C3orf20: variants seen among roughly 807,000 people sequenced by gnomAD.
C3orf20 encodes the protein uncharacterized protein C3orf20.
In C3orf20, 76 loss-of-function variants were observed where a neutral mutation model predicts 88.3. The observed-to-expected ratio is 0.86, with a 90% CI of 0.72 to 1.04. The LOEUF is 1.04. Ranked by LOEUF, C3orf20 falls within the 50% of genes least tolerant of loss-of-function variation. C3orf20 has a pLI of 0.00. For synonymous variants in C3orf20, 436 were observed against 437.4 expected, an observed-to-expected ratio of 1.00 and a Z score of 0.04; for missense variants, 1,056 against 1,123.3, an observed-to-expected ratio of 0.94 and a Z score of 0.86.
In C3orf20 at chr3:14,772,284, C is replaced by A; in HGVS notation, c.2630+83C>A. ...CTATTTGGCCTTGGGCAAGTCACTA[C>A]CCCCAGGCGTGGCCTGGGTCATGTC... On this transcript the variant is annotated intron_variant, in intron 16 of 16. Transcript: ENST00000253697. The surrounding 1 kb of genome is among the most constrained non-coding windows in gnomAD (Gnocchi z 4.2). 1.9e-6 allele frequency: 3 copies of A among 1,554,280 alleles called. No individual in the cohort carries two copies. Among genetic ancestry groups the A allele is most frequent in the East Asian group, 4.5e-5 (2 of 44,522 alleles).
intron 12 of C3orf20, among the ~76,000 whole-genome samples, chr3:14,739,378 T>C (rs2034831302): frequency 6.6e-6 from 1 of 152,226 alleles, no homozygotes; most frequent in African/African-American, 2.4e-5. Flanking sequence ...TCTTTTTTCC[T>C]GAGCAGTAGT....
chr3:14,755,374 A>C (rs984155070), intron 12 of C3orf20, among the ~76,000 whole-genome samples: 10 of 152,130 alleles, frequency 6.6e-5, no homozygotes, highest in Non-Finnish European at 1.3e-4. Context: ...TCCTGCTCCA[A>C]AATTATAGAA....
chr3:14,726,865 A>T (rs963140926), intron 10 of C3orf20, 36 bp from the exon 11 acceptor site: 4 of 1,612,614 alleles, frequency 2.5e-6, no homozygotes, highest in Non-Finnish European at 3.4e-6. Context: ...CTTTGAGGGG[A>T]TGGTGACACC....
Position 14,683,051 on chromosome 3 carries a change from C to T in C3orf20, c.338C>T (p.Ala113Val), listed in dbSNP as rs190159480. ...CCAGTGCTGCTGGCAACCACTGGGG[C>T]AGCCAAGCGCTCCACCCTCTCTCCC... is the stretch of plus-strand genomic sequence containing the variant. ...PRPVLLATTG[A>V]AKRSTLSPTM... The change falls in exon 3 of 17, where the codon GCA becomes GTA. Residue 113 changes from alanine to valine, a missense_variant. Ala to Val is a moderately conservative substitution (Grantham distance 64). Coordinates refer to ENST00000253697, the MANE Select transcript of C3orf20 (RefSeq NM_032137.5). 1 of 1,611,182 alleles carries T rather than the reference C, an allele frequency of 6.2e-7. No homozygotes were observed. Among genetic ancestry groups the T allele is most frequent in the East Asian group, 2.2e-5 (1 of 44,784 alleles).
At chr3:14,742,659 G>C (rs2034938166) in intron 12 of C3orf20, among the ~76,000 whole-genome samples, 1 of 152,168 alleles carries the variant, frequency 6.6e-6, no homozygotes, top group Non-Finnish European at 1.5e-5. Flanking sequence ...GGTTGTATTA[G>C]TTCATTTTCA....
chr3:14,717,386 T>C (rs962097103), intron 9 of C3orf20, among the ~76,000 whole-genome samples: 1 of 152,042 alleles, frequency 6.6e-6, no homozygotes, highest in African/African-American at 2.4e-5. Flanking sequence ...CCTGGGGTTG[T>C]AGCATGGGGG....
At chr3:14,727,428 T>G (rs1406704522) in intron 11 of C3orf20, among the ~76,000 whole-genome samples, 2 of 152,274 alleles carry the variant, frequency 1.3e-5, no homozygotes, top group Middle Eastern at 3.4e-3. Context: ...CCCTTCTTTT[T>G]GTGGATCTCA....
At position 14,682,810 on chromosome 3, in the gene C3orf20, C is replaced by G; in HGVS notation, c.97C>G (p.Gln33Glu). The G allele has an allele frequency of 6.2e-7, 1 of 1,614,192 alleles. No individual in the cohort carries two copies. The highest frequency in any genetic ancestry group is 8.5e-7 in the Non-Finnish European group (1 of 1,180,034). ...CATCTCCAAACTCCTCATGATCTGC[C>G]AGAATGCAGGCATTTCTGTACCAAA... ...ARISKLLMIC[Q>E]NAGISVPKGI... Residue 33 changes from glutamine (Q) to glutamate (E), a missense_variant, in exon 3 of 17, where the codon CAG becomes GAG. Gln to Glu is a conservative substitution (Grantham distance 29). Coordinates refer to ENST00000253697, the MANE Select transcript of C3orf20 (RefSeq NM_032137.5).
intron 7 of C3orf20, among the ~76,000 whole-genome samples, chr3:14,711,676 C>T (rs1041241936): frequency 5.9e-5 from 7 of 118,990 alleles, no homozygotes; most frequent in Admixed American, 2.4e-4. Context: ...CGCTCTATTG[C>T]CCAGGCTGGA....
At chr3:14,705,080 A>C (rs1345791482) in intron 7 of C3orf20, among the ~76,000 whole-genome samples, 1 of 152,230 alleles carries the variant, frequency 6.6e-6, no homozygotes, top group Non-Finnish European at 1.5e-5. Context: ...TTGGAGCCTG[A>C]GACCTCACCC....
chr3:14,726,856 T>G (rs750903137), intron 10 of C3orf20, 45 bp from the exon 11 acceptor site: 1 of 1,612,486 alleles, frequency 6.2e-7, no homozygotes, highest in Non-Finnish European at 8.5e-7. Context: ...CAGCTGGCTC[T>G]TTGAGGGGAT....
chr3:14,716,465 G>T (rs892955589), intron 9 of C3orf20, among the ~76,000 whole-genome samples: 1 of 152,128 alleles, frequency 6.6e-6, no homozygotes, highest in Non-Finnish European at 1.5e-5. Context: ...TTAGTCTCCT[G>T]TTTCTTGTCC....
At chr3:14,726,139 G>C (rs930027886) in intron 10 of C3orf20, among the ~76,000 whole-genome samples, 1 of 152,390 alleles carries the variant, frequency 6.6e-6, no homozygotes. Context: ...ACTGGAGACT[G>C]CTCTTGGGAA....
At chr3:14,748,163 T>C (rs1473706382) in intron 12 of C3orf20, among the ~76,000 whole-genome samples, 2 of 152,114 alleles carry the variant, frequency 1.3e-5, no homozygotes, top group East Asian at 3.8e-4. Flanking sequence ...TAGAGGCTTA[T>C]TCAGATTATA....
chr3:14,742,765 G>A (rs1414564587), intron 12 of C3orf20, among the ~76,000 whole-genome samples: 1 of 152,154 alleles, frequency 6.6e-6, no homozygotes. Flanking sequence ...AATCATGGTG[G>A]GAGGCTAAAG....
At chr3:14,729,321 C>A (rs2124990177) in intron 12 of C3orf20, among the ~76,000 whole-genome samples, 1 of 152,236 alleles carries the variant, frequency 6.6e-6, no homozygotes, top group Admixed American at 6.5e-5. Context: ...CGGCCAGGAA[C>A]AGATGTGGGG....
intron 12 of C3orf20, among the ~76,000 whole-genome samples, chr3:14,755,351 T>C (rs1295468725): frequency 6.6e-6 from 1 of 152,208 alleles, no homozygotes; most frequent in African/African-American, 2.4e-5. Flanking sequence ...TTAGTCATAA[T>C]TGTAAAAAGC....
At chr3:14,734,477 CGTAAT>C (rs2034642244) in intron 12 of C3orf20, among the ~76,000 whole-genome samples, 1 of 151,962 alleles carries the variant, frequency 6.6e-6, no homozygotes, top group African/African-American at 2.4e-5. Context: ...GAGTGTGTAA[CGTAAT>C]TATACCATTT....
In C3orf20 at chr3:14,757,527, C is replaced by A; in HGVS notation, c.2097C>A (p.Arg699=). The A allele has an allele frequency of 6.2e-7, 1 of 1,614,110 alleles. No homozygotes were observed. The highest frequency in any genetic ancestry group is 8.5e-7 in the Non-Finnish European group (1 of 1,180,008). The stretch of plus-strand genomic sequence containing the variant: ...TGGTCTCTGACGTGGAGCTGGAGCG[C>A]TTCCTGTTGGCGCCCCGAGACCCCA... ...APLVSDVELE[R]FLLAPRDPSQ... is the part of the protein sequence containing the mutation. The change falls in exon 13 of 17, where the codon CGC becomes CGA. Residue 699 remains arginine (R), a synonymous_variant. Transcript: ENST00000253697.
Sources: allele counts gnomAD v4.1 joint callset (sites outside exome capture counted in the v4.1 genomes callset), GRCh38; gene constraint gnomAD v4.1.1; non-coding constraint Gnocchi (gnomAD v3.1); transcripts MANE v1.5; gene names NCBI Gene and HGNC (gene_info 2026-07-23, HGNC 2026-07-21).